STAU2: variants seen among roughly 807,000 people sequenced by gnomAD.
The protein encoded by STAU2 is double-stranded RNA-binding protein Staufen homolog 2.
STAU2 carries 20 observed loss-of-function variants against 65.9 expected under a neutral mutation model. That is an observed-to-expected ratio of 0.30 (90% CI 0.21 to 0.44). The LOEUF is 0.44. Among genes scored for constraint, STAU2 ranks in the 20% least tolerant of loss-of-function variants. The pLI is 1.00. For missense variants in STAU2, 558 were observed against 683.9 expected (o/e 0.82, Z 2.05); for synonymous variants, 232 against 233.9 (o/e 0.99, Z 0.07).
At chr8:73,597,507 A>T (rs911950250) in intron 10 of STAU2, among the ~76,000 whole-genome samples, 8 of 150,014 alleles carry the variant, frequency 5.3e-5, no homozygotes, top group Non-Finnish European at 7.4e-5. Flanking sequence ...ACAAAAATAA[A>T]AAAAAAAAAA....
chr8:73,510,881 A>G (rs751015835), intron 13 of STAU2, among the ~76,000 whole-genome samples: 2 of 152,244 alleles, frequency 1.3e-5, no homozygotes, highest in Non-Finnish European at 2.9e-5. Context: ...AGCCTTATCA[A>G]TGGATTTACA....
intron 12 of STAU2, among the ~76,000 whole-genome samples, chr8:73,560,067 C>G (rs1158731170): frequency 6.9e-6 from 1 of 145,818 alleles, no homozygotes; most frequent in Non-Finnish European, 1.5e-5. Flanking sequence ...AGAGTCATTA[C>G]TGAACAGATT....
At chr8:73,725,192 G>A (rs1258641701) in intron 3 of STAU2, among the ~76,000 whole-genome samples, 1 of 151,960 alleles carries the variant, frequency 6.6e-6, no homozygotes, top group Non-Finnish European at 1.5e-5. Flanking sequence ...TATATCTACT[G>A]TTTTGTTATG....
chr8:73,668,874 A>C (rs7841920), intron 6 of STAU2: 461,499 of 513,554 alleles, frequency 0.9, 208,276 homozygotes, highest in East Asian at 0.97. Flanking sequence ...GTGGAGAAAC[A>C]TCATCAGTAG....
chr8:73,646,532 C>A (rs926270649), intron 6 of STAU2, among the ~76,000 whole-genome samples: 1 of 152,086 alleles, frequency 6.6e-6, no homozygotes. Context: ...AGGCAAAAAA[C>A]CGAAACAAAA....
intron 5 of STAU2, among the ~76,000 whole-genome samples, chr8:73,687,147 T>C (rs529887589): frequency 1.4e-4 from 20 of 143,824 alleles, no homozygotes; most frequent in Non-Finnish European, 2.9e-4. Flanking sequence ...TAAATTTATA[T>C]AAATTATATT....
intron 12 of STAU2, among the ~76,000 whole-genome samples, chr8:73,558,648 CA>C (rs1563421330): frequency 6.6e-6 from 1 of 152,154 alleles, no homozygotes; most frequent in African/African-American, 2.4e-5. Context: ...CAAGTGGTAT[CA>C]GAGGTATTAA....
chr8:73,437,923 C>T (rs1182057342), intron 13 of STAU2, among the ~76,000 whole-genome samples: 2 of 152,168 alleles, frequency 1.3e-5, no homozygotes, highest in Non-Finnish European at 2.9e-5. Context: ...GGAAGGCAAT[C>T]ACGCACCATG....
chr8:73,634,976 A>C (rs935878472), intron 6 of STAU2, among the ~76,000 whole-genome samples: 3 of 152,234 alleles, frequency 2.0e-5, no homozygotes, highest in Non-Finnish European at 4.4e-5. Context: ...ACTAGAATGT[A>C]CACTTCATGA....
intron 13 of STAU2, among the ~76,000 whole-genome samples, chr8:73,487,207 A>C (rs972276100): frequency 4.6e-5 from 7 of 152,090 alleles, no homozygotes; most frequent in African/African-American, 1.7e-4. Flanking sequence ...TCAGTTAGGA[A>C]AATGATGCAA....
chr8:73,725,201 T>C (rs1388703287), intron 3 of STAU2, among the ~76,000 whole-genome samples: 2 of 152,218 alleles, frequency 1.3e-5, no homozygotes, highest in South Asian at 2.1e-4. Context: ...TGTTTTGTTA[T>C]GTTTTTGTCC....
At chr8:73,662,983 T>C (rs564775412) in intron 6 of STAU2, among the ~76,000 whole-genome samples, 2 of 152,270 alleles carry the variant, frequency 1.3e-5, no homozygotes, top group African/African-American at 4.8e-5. Flanking sequence ...AGAGTATCCT[T>C]TCCCCATTAG....
intron 13 of STAU2, among the ~76,000 whole-genome samples, chr8:73,514,024 T>A (rs1400282557): frequency 6.6e-6 from 1 of 152,220 alleles, no homozygotes; most frequent in Non-Finnish European, 1.5e-5. Flanking sequence ...TTCAGAGTCC[T>A]AAAGTTGCTG....
intron 13 of STAU2, among the ~76,000 whole-genome samples, chr8:73,429,238 T>C (rs1785496911): frequency 6.6e-6 from 1 of 152,124 alleles, no homozygotes; most frequent in South Asian, 2.1e-4. Context: ...CACTCCGCCA[T>C]TGTCATGGGA....
At chr8:73,442,249 G>A (rs1045267435) in intron 13 of STAU2, among the ~76,000 whole-genome samples, 10 of 151,772 alleles carry the variant, frequency 6.6e-5, no homozygotes, top group Non-Finnish European at 1.5e-4. Flanking sequence ...AGCTACTCGG[G>A]AGGCTGAGGC....
rs964328728 is a variant in STAU2, at chr8:73,552,985, G to A, written c.1223-666C>T. Reference sequence around the variant, plus strand: ...ATTTACTCATAAGCAAGTAGTTATCGTGTTGCTCAAACATCTCAAGAATAT... The same window carrying A: ...ATTTACTCATAAGCAAGTAGTTATCATGTTGCTCAAACATCTCAAGAATAT... On this transcript the variant is annotated intron_variant, in intron 12 of 14. Coordinates refer to ENST00000524300, the MANE Select transcript of STAU2 (RefSeq NM_001164380.2). Among the ~76,000 whole-genome samples the A allele has an allele frequency of 5.9e-5, 9 of 152,230 alleles. 1 individual carries two copies. The highest frequency in any genetic ancestry group is 4.8e-5 in the African/African-American group (2 of 41,536).
intron 10 of STAU2, among the ~76,000 whole-genome samples, chr8:73,600,354 T>C (rs1023107808): frequency 2.2e-4 from 34 of 152,236 alleles, no homozygotes; most frequent in Admixed American, 1.5e-3. Context: ...ATTGCCTTTT[T>C]TTCTGAAACT....
chr8:73,602,174 T>C (rs891929918), intron 10 of STAU2, among the ~76,000 whole-genome samples: 1 of 152,130 alleles, frequency 6.6e-6, no homozygotes, highest in African/African-American at 2.4e-5. Flanking sequence ...ATTAAGGTCC[T>C]ACTATTTACA....
At chr8:73,686,211 G>A (rs769652461) in intron 5 of STAU2, among the ~76,000 whole-genome samples, 1 of 152,172 alleles carries the variant, frequency 6.6e-6, no homozygotes, top group Non-Finnish European at 1.5e-5. Flanking sequence ...TCAGGAGATG[G>A]AGACCATCCT....
Sources: gnomAD v4.1 joint callset for allele counts (sites outside exome capture counted in the v4.1 genomes callset) on GRCh38, gnomAD v4.1.1 for gene constraint, MANE v1.5 for transcripts, NCBI Gene and HGNC (gene_info 2026-07-23, HGNC 2026-07-21) for gene names.